Variants in RANBP2 observed in about 807,000 individuals in gnomAD.
The protein encoded by RANBP2 is E3 SUMO-protein ligase RanBP2.
RANBP2 carries 57 observed loss-of-function variants against 303.6 expected under a neutral mutation model. The observed-to-expected ratio is 0.19, with a 90% CI of 0.15 to 0.23. The LOEUF (loss-of-function observed/expected upper bound fraction) is 0.23, where lower values mean the gene tolerates loss of function less well. Ranked by LOEUF, RANBP2 falls within the 10% of genes least tolerant of loss-of-function variation. RANBP2 has a pLI of 1.00. For missense variants in RANBP2, 3,138 were observed against 3,780.8 expected (o/e 0.83, Z 4.46); for synonymous variants, 1,167 against 1,301.5 (o/e 0.90, Z 2.23).
rs1300025466 is a variant in RANBP2, at chr2:108,785,003, C to G, written c.*1102C>G. On this transcript the variant is annotated 3_prime_UTR_variant, in exon 29 of 29. Transcript: ENST00000283195. Reference sequence around the variant, plus strand: ...AAGAGGATGTTCTTATTGGCCTACTCAATATGGAACTACAAAGAATCCAGG... The same window carrying G: ...AAGAGGATGTTCTTATTGGCCTACTGAATATGGAACTACAAAGAATCCAGG... The G allele has an allele frequency of 6.6e-6, 1 of 152,158 alleles. No individual in the cohort carries two copies. Among genetic ancestry groups the G allele is most frequent in the Non-Finnish European group, 1.5e-5 (1 of 68,028 alleles). 9.4% of individuals were successfully genotyped at this position (152,158 alleles called of 1,614,324 possible).
At chr2:109,061,743 G>A in the RANBP2 span, among the ~76,000 whole-genome samples, 48 of 152,130 alleles carry the variant, frequency 3.2e-4, no homozygotes, top group African/African-American at 1.1e-3. Flanking sequence ...ACATTAAAAA[G>A]TAGTCAATCC....
chr2:109,321,045 C>G, the RANBP2 span, among the ~76,000 whole-genome samples: 2 of 152,100 alleles, frequency 1.3e-5, no homozygotes, highest in Non-Finnish European at 2.9e-5. Flanking sequence ...GCTGCTCTTA[C>G]TGATAACTTA....
At chr2:108,974,019 T>C in the RANBP2 span, among the ~76,000 whole-genome samples, 1,137 of 152,090 alleles carry the variant, frequency 7.5e-3, 12 homozygotes, top group Middle Eastern at 0.024. Context: ...CAAATAGAAA[T>C]AATAAGAAAA....
chr2:108,922,415 C>T, the RANBP2 span, among the ~76,000 whole-genome samples: 1 of 152,352 alleles, frequency 6.6e-6, no homozygotes, highest in Admixed American at 6.5e-5. Flanking sequence ...TGAAGACGAG[C>T]AAACACATTG....
the RANBP2 span, among the ~76,000 whole-genome samples, chr2:108,962,623 C>G: frequency 0.72 from 105,263 of 146,750 alleles, 43,104 homozygotes; most frequent in Non-Finnish European, 0.94. Flanking sequence ...TGCAGAGAGC[C>G]GAGATCGCTC....
chr2:108,754,718 A>G (rs1676161500), intron 15 of RANBP2, among the ~76,000 whole-genome samples, 187 bp from the exon 16 acceptor site: 1 of 151,986 alleles, frequency 6.6e-6, no homozygotes, highest in Non-Finnish European at 1.5e-5. Context: ...GCAAAAAATA[A>G]TAATAATACA....
At chr2:108,804,974 C>T in the RANBP2 span, 1 of 1,564,252 alleles carries the variant, frequency 6.4e-7, no homozygotes, top group Non-Finnish European at 8.6e-7. Flanking sequence ...TCTTTTGATG[C>T]ATTGAAAGAA....
the RANBP2 span, among the ~76,000 whole-genome samples, chr2:109,444,363 G>A: frequency 6.6e-6 from 1 of 152,238 alleles, no homozygotes; most frequent in East Asian, 1.9e-4. Context: ...ACACACAATA[G>A]CCAAGTGCTG....
At chr2:109,497,364 A>G in the RANBP2 span, among the ~76,000 whole-genome samples, 18 of 152,184 alleles carry the variant, frequency 1.2e-4, no homozygotes, top group Non-Finnish European at 2.4e-4. Flanking sequence ...CTCTGTTGTC[A>G]GGGAGGGAAG....
At chr2:108,843,886 CTTTTTTTT>C in the RANBP2 span, among the ~76,000 whole-genome samples, 4 of 94,018 alleles carry the variant, frequency 4.3e-5, no homozygotes, top group Non-Finnish European at 7.6e-5. Flanking sequence ...GTGTTTCTTT[CTTTTTTTT>C]TTTTTTTTTT....
At chr2:108,930,364 G>A in the RANBP2 span, 191 of 1,024,084 alleles carry the variant, frequency 1.9e-4, no homozygotes, top group Non-Finnish European at 2.6e-4. Context: ...CTGGGGGCTC[G>A]GTCTGGGAAG....
At chr2:108,796,048 A>T in the RANBP2 span, among the ~76,000 whole-genome samples, 1 of 152,178 alleles carries the variant, frequency 6.6e-6, no homozygotes, top group Middle Eastern at 3.4e-3. Context: ...GTTTATTTTT[A>T]TTTATTTATT....
the RANBP2 span, among the ~76,000 whole-genome samples, chr2:109,734,543 G>A: frequency 2.6e-5 from 4 of 152,114 alleles, no homozygotes; most frequent in African/African-American, 9.6e-5. Flanking sequence ...ACTTACCACT[G>A]TTAAGATGTC....
At chr2:109,488,602 G>C in the RANBP2 span, among the ~76,000 whole-genome samples, 2 of 152,146 alleles carry the variant, frequency 1.3e-5, no homozygotes, top group African/African-American at 4.8e-5. Flanking sequence ...ACCCCTCACG[G>C]TTTCTTCTTT....
chr2:109,648,362 C>G, the RANBP2 span, among the ~76,000 whole-genome samples: 1 of 152,018 alleles, frequency 6.6e-6, no homozygotes, highest in Admixed American at 6.6e-5. Context: ...CTGATTTACA[C>G]TTTTTTTTGA....
At chr2:108,795,127 C>T in the RANBP2 span, among the ~76,000 whole-genome samples, 31 of 136,558 alleles carry the variant, frequency 2.3e-4, no homozygotes, top group African/African-American at 7.7e-4. Flanking sequence ...ATCTGCCTTT[C>T]GGGTTTTTTG....
At chr2:109,628,224 T>A in the RANBP2 span, among the ~76,000 whole-genome samples, 1 of 152,172 alleles carries the variant, frequency 6.6e-6, no homozygotes, top group Non-Finnish European at 1.5e-5. Context: ...CTGTGTGCAG[T>A]GGCTCACACC....
chr2:109,258,166 C>T, the RANBP2 span, among the ~76,000 whole-genome samples: 4 of 152,288 alleles, frequency 2.6e-5, no homozygotes, highest in Admixed American at 6.5e-5. Context: ...ACCCCATCAA[C>T]GAGGCTTACG....
the RANBP2 span, among the ~76,000 whole-genome samples, chr2:108,919,768 G>C: frequency 6.6e-6 from 1 of 152,130 alleles, no homozygotes; most frequent in Admixed American, 6.5e-5. Context: ...GGTCAGCGAG[G>C]CTCCGTGGGG....
Sources: gnomAD v4.1 joint callset for allele counts (sites outside exome capture counted in the v4.1 genomes callset) on GRCh38, gnomAD v4.1.1 for gene constraint, MANE v1.5 for transcripts, NCBI Gene and HGNC (gene_info 2026-07-23, HGNC 2026-07-21) for gene names.